Variants in MAST4 observed in about 807,000 individuals in gnomAD.
MAST4 encodes the protein microtubule associated serine/threonine kinase family member 4.
Under a neutral mutation model 162.7 loss-of-function variants are expected in MAST4, and 89 were observed. The ratio of observed to expected loss-of-function variants is 0.55; its 90% CI spans 0.46 to 0.65. The LOEUF is 0.65. Among genes scored for constraint, MAST4 ranks in the 30% least tolerant of loss-of-function variants. MAST4 has a pLI of 0.00. For missense variants in MAST4, 3,153 were observed against 3,374.0 expected, an observed-to-expected ratio of 0.93 and a Z score of 1.62; for synonymous variants, 1,479 against 1,361.1, an observed-to-expected ratio of 1.09 and a Z score of -1.91.
chr5:66,813,136 A>G (rs975438906), intron 3 of MAST4, among the ~76,000 whole-genome samples: 1 of 152,256 alleles, frequency 6.6e-6, no homozygotes, highest in East Asian at 1.9e-4. Flanking sequence ...AAATATTCTT[A>G]GGAAATCTTG....
chr5:67,160,634 A>G (rs777185492), intron 27 of MAST4, 42 bp downstream of exon 27: 16 of 1,579,080 alleles, frequency 1.0e-5, no homozygotes, highest in Admixed American at 1.9e-5. Context: ...GTGTATACCT[A>G]TGTTGGGGAA....
intron 4 of MAST4, among the ~76,000 whole-genome samples, chr5:67,029,716 C>G (rs1581255273): frequency 6.6e-6 from 1 of 152,038 alleles, no homozygotes. Flanking sequence ...AGCATGATTT[C>G]TGTGTCCATG....
At chr5:66,751,597 AAGAAT>A (rs1278722057) in intron 1 of MAST4, among the ~76,000 whole-genome samples, 43 of 151,652 alleles carry the variant, frequency 2.8e-4, no homozygotes, top group African/African-American at 9.9e-4. Context: ...TTAGAGAAAA[AAGAAT>A]AAAAAGAAAT....
At chr5:67,088,190 C>G (rs114738526) in intron 5 of MAST4, among the ~76,000 whole-genome samples, 1,660 of 152,174 alleles carry the variant, frequency 0.011, 27 homozygotes, top group African/African-American at 0.038. Context: ...TTAATAAGCT[C>G]TCTGTATTGT....
chr5:66,673,130 T>C (rs574163230), intron 1 of MAST4, among the ~76,000 whole-genome samples: 1 of 152,328 alleles, frequency 6.6e-6, no homozygotes, highest in Non-Finnish European at 1.5e-5. Flanking sequence ...TTGGCCATTT[T>C]TTTTAACTGG....
intron 19 of MAST4, among the ~76,000 whole-genome samples, chr5:67,139,298 A>G (rs563354530): frequency 1.3e-5 from 2 of 152,356 alleles, no homozygotes; most frequent in South Asian, 4.1e-4. Context: ...CATTTGCCCA[A>G]GAGATTAGAG....
chr5:66,941,219 A>C (rs1330385549), intron 4 of MAST4, among the ~76,000 whole-genome samples: 1 of 152,142 alleles, frequency 6.6e-6, no homozygotes, highest in Non-Finnish European at 1.5e-5. Flanking sequence ...CAGTTGCATT[A>C]GTTCCTAAAG....
chr5:66,640,596 C>T (rs1050635135), intron 1 of MAST4, among the ~76,000 whole-genome samples: 3 of 152,184 alleles, frequency 2.0e-5, no homozygotes, highest in Non-Finnish European at 4.4e-5. Context: ...CGTGAGCCAC[C>T]GCGCCCAGCC....
At chr5:66,606,741 T>A (rs759264983) in intron 1 of MAST4, among the ~76,000 whole-genome samples, 3 of 152,128 alleles carry the variant, frequency 2.0e-5, no homozygotes, top group Non-Finnish European at 4.4e-5. Context: ...TCAACTCAAA[T>A]CTTGCAACAG....
intron 4 of MAST4, among the ~76,000 whole-genome samples, chr5:66,913,687 T>G (rs1763919476): frequency 6.6e-6 from 1 of 152,232 alleles, no homozygotes; most frequent in Non-Finnish European, 1.5e-5. Context: ...ATGCTTTTGG[T>G]ATTGGAGCTA....
At chr5:66,617,158 A>G (rs556389974) in intron 1 of MAST4, among the ~76,000 whole-genome samples, 37 of 152,330 alleles carry the variant, frequency 2.4e-4, no homozygotes, top group African/African-American at 7.2e-4. Context: ...CAGGAGCAGT[A>G]TCTCATTAAA....
At chr5:67,088,400 T>G (rs1361896180) in intron 5 of MAST4, among the ~76,000 whole-genome samples, 1 of 152,216 alleles carries the variant, frequency 6.6e-6, no homozygotes. Context: ...AGTTTGCTCT[T>G]TATGGTGTGT....
chr5:66,628,674 G>A (rs1047638498), intron 1 of MAST4, among the ~76,000 whole-genome samples: 2 of 152,116 alleles, frequency 1.3e-5, no homozygotes, highest in Admixed American at 6.5e-5. Context: ...TAGCATACAA[G>A]AATGTATGAT....
At chr5:67,130,138 G>A in intron 14 of MAST4, 72 bp from the exon 15 acceptor site, 1 of 1,380,642 alleles carries the variant, frequency 7.2e-7, no homozygotes, top group Non-Finnish European at 1.0e-6. Flanking sequence ...TGATTTATAT[G>A]GTTTACTGTA....
At chr5:67,150,192 G>C (rs1170011370) in intron 24 of MAST4, among the ~76,000 whole-genome samples, 1 of 152,152 alleles carries the variant, frequency 6.6e-6, no homozygotes, top group Non-Finnish European at 1.5e-5. Flanking sequence ...TTGAATTGTA[G>C]TATTTTCCCA....
At chr5:66,632,133 C>A (rs941553138) in intron 1 of MAST4, among the ~76,000 whole-genome samples, 6 of 152,090 alleles carry the variant, frequency 3.9e-5, no homozygotes, top group Non-Finnish European at 8.8e-5. Context: ...TTGTAATTGC[C>A]TAAAATTTAT....
Position 66,911,528 on chromosome 5 carries a change from C to T in MAST4, c.674+11546C>T, listed in dbSNP as rs984345400. Among the ~76,000 whole-genome samples the T allele has an allele frequency of 4.8e-5, 7 of 145,140 alleles. No individual in the cohort carries two copies. In the East Asian group the frequency reaches 1.4e-3, roughly 30 times the overall value. ...ACCAGCCTGGGCAAAATAACGAGAC[C>T]CTGTCTCTACAAACAAACAAACAAC... On this transcript the variant is annotated intron_variant, in intron 4 of 28. Transcript: ENST00000403625.
intron 1 of MAST4, among the ~76,000 whole-genome samples, chr5:66,681,684 T>C (rs958662708): frequency 3.9e-5 from 6 of 152,224 alleles, no homozygotes; most frequent in Non-Finnish European, 8.8e-5. Flanking sequence ...AAGGCACAGC[T>C]TGACTGATGA....
chr5:66,673,413 A>G (rs1747733159), intron 1 of MAST4, among the ~76,000 whole-genome samples: 1 of 132,660 alleles, frequency 7.5e-6, no homozygotes, highest in African/African-American at 3.1e-5. Flanking sequence ...TTAATTTTGA[A>G]GAAGCATGAT....
Sources: gnomAD v4.1 joint callset for allele counts (sites outside exome capture counted in the v4.1 genomes callset) on GRCh38, gnomAD v4.1.1 for gene constraint, MANE v1.5 for transcripts, NCBI Gene and HGNC (gene_info 2026-07-23, HGNC 2026-07-21) for gene names.